RARB: variants seen among roughly 807,000 people sequenced by gnomAD.
RARB encodes the protein HBV-activated protein.
A neutral mutation model predicts 51.9 loss-of-function variants in RARB; 17 were observed. The observed-to-expected ratio is 0.33, with a 90% confidence interval of 0.22 to 0.49. The LOEUF (loss-of-function observed/expected upper bound fraction) is 0.49. RARB is among the 20% of genes least tolerant of loss of function. The pLI is 0.99. For synonymous variants in RARB, 215 were observed against 195.4 expected (o/e 1.10, Z -0.84); for missense variants, 369 against 550.8 (o/e 0.67, Z 3.30).
chr3:24,903,081 T>A (rs1703641514), intron 2 of RARB, among the ~76,000 whole-genome samples: 1 of 152,094 alleles, frequency 6.6e-6, no homozygotes. Flanking sequence ...TTTTATAGAA[T>A]TTATGAAAAA....
chr3:25,049,516 T>C (rs1698284446), intron 2 of RARB, among the ~76,000 whole-genome samples: 1 of 152,206 alleles, frequency 6.6e-6, no homozygotes, highest in Admixed American at 6.5e-5. Context: ...GGAGACTTAC[T>C]GGAATAGGCT....
intron 5 of RARB, among the ~76,000 whole-genome samples, chr3:25,590,832 CTAA>C (rs1329240609): frequency 1.3e-5 from 2 of 152,204 alleles, no homozygotes; most frequent in African/African-American, 2.4e-5. Context: ...ACAGTATTTC[CTAA>C]TGTTTCTCCA....
chr3:25,076,981 T>C (rs1300879873), intron 3 of RARB, among the ~76,000 whole-genome samples: 1 of 152,208 alleles, frequency 6.6e-6, no homozygotes, highest in African/African-American at 2.4e-5. Flanking sequence ...AGGTCTCTTT[T>C]TTGTTTTCCC....
At chr3:24,999,611 C>T (rs936220537) in intron 2 of RARB, among the ~76,000 whole-genome samples, 6 of 152,132 alleles carry the variant, frequency 3.9e-5, no homozygotes, top group African/African-American at 1.4e-4. Flanking sequence ...CTGCAGTGCC[C>T]AAATTCAAGA....
chr3:25,333,626 T>G (rs901581570), intron 5 of RARB, among the ~76,000 whole-genome samples: 1 of 152,196 alleles, frequency 6.6e-6, no homozygotes, highest in African/African-American at 2.4e-5. Context: ...AGCAAGGACT[T>G]TATGTCTAAA....
In RARB at chr3:25,478,906, C is replaced by A. The variant is rs1056899962; in HGVS notation, c.306+17565C>A. Among the ~76,000 whole-genome samples, 2 of 152,172 alleles carry A rather than the reference C, an allele frequency of 1.3e-5. 1 individual carries two copies. The highest frequency in any genetic ancestry group is 2.9e-5 in the Non-Finnish European group (2 of 68,034). On this transcript the variant is annotated intron_variant, in intron 2 of 7. Transcript: ENST00000330688. ...CTAATGTAAGCTGCTCCAGTCCTTG[C>A]GTTTTCAGGGTGCTGCCTGCCAAAA...
intron 2 of RARB, among the ~76,000 whole-genome samples, chr3:25,047,918 T>C (rs1192992548): frequency 6.6e-6 from 1 of 152,178 alleles, no homozygotes; most frequent in Admixed American, 6.5e-5. Context: ...GTAGAGATAA[T>C]TGAATCATGG....
intron 3 of RARB, among the ~76,000 whole-genome samples, chr3:25,071,604 A>G (rs1054367373): frequency 3.3e-5 from 5 of 152,336 alleles, no homozygotes; most frequent in Middle Eastern, 3.4e-3. Flanking sequence ...AAGGTTATAT[A>G]TTCTTTTGTC....
chr3:24,911,795 G>A (rs961123649), intron 2 of RARB, among the ~76,000 whole-genome samples: 24 of 152,078 alleles, frequency 1.6e-4, no homozygotes, highest in African/African-American at 5.8e-4. Context: ...TCTTAAAAAA[G>A]TACCATATTG....
intron 5 of RARB, among the ~76,000 whole-genome samples, chr3:25,337,813 C>G (rs1023611803): frequency 6.6e-6 from 1 of 152,016 alleles, no homozygotes; most frequent in South Asian, 2.1e-4. Context: ...GTATACGTTT[C>G]TTGTTTGCCC....
At chr3:25,300,323 T>C (rs1704011022) in intron 5 of RARB, among the ~76,000 whole-genome samples, 1 of 152,364 alleles carries the variant, frequency 6.6e-6, no homozygotes, top group African/African-American at 2.4e-5. Flanking sequence ...ATCATGTCTT[T>C]GTGGAGGAAG....
intron 5 of RARB, among the ~76,000 whole-genome samples, chr3:25,261,392 C>T (rs540741148): frequency 1.3e-5 from 2 of 152,180 alleles, no homozygotes; most frequent in East Asian, 1.9e-4. Context: ...TCTCACCCAC[C>T]TTTTTCATGA....
At chr3:25,438,470 T>C (rs1001101971) in intron 1 of RARB, among the ~76,000 whole-genome samples, 3 of 152,162 alleles carry the variant, frequency 2.0e-5, no homozygotes, top group African/African-American at 7.2e-5. Flanking sequence ...TGTGGGGCTT[T>C]TAGTTTTTTG....
intron 5 of RARB, among the ~76,000 whole-genome samples, chr3:25,375,567 T>A (rs1244498737): frequency 1.3e-5 from 2 of 152,160 alleles, no homozygotes; most frequent in African/African-American, 4.8e-5. Flanking sequence ...TAATGGATAA[T>A]GGGACTGTAT....
intron 5 of RARB, among the ~76,000 whole-genome samples, chr3:25,328,488 C>G (rs1442558005): frequency 6.6e-6 from 1 of 152,188 alleles, no homozygotes; most frequent in Non-Finnish European, 1.5e-5. Context: ...CCACTGCACT[C>G]CAGCTTGGGC....
At chr3:25,211,994 G>C (rs12497476) in intron 5 of RARB, among the ~76,000 whole-genome samples, 74,929 of 151,928 alleles carry the variant, frequency 0.49, 19,132 homozygotes, top group East Asian at 0.69. Flanking sequence ...TGAAGGAAAA[G>C]AGATATATTT....
At chr3:25,005,483 A>G (rs986692410) in intron 2 of RARB, among the ~76,000 whole-genome samples, 2 of 152,162 alleles carry the variant, frequency 1.3e-5, no homozygotes, top group African/African-American at 4.8e-5. Flanking sequence ...GATTGTAGGC[A>G]GAAAGTTCCT....
intron 3 of RARB, among the ~76,000 whole-genome samples, chr3:25,504,770 CTTTT>C (rs61498243): frequency 0.13 from 16,277 of 125,908 alleles, 970 homozygotes; most frequent in Middle Eastern, 0.23. Context: ...ACATTAACCA[CTTTT>C]TTTTTTTTTT....
chr3:25,241,543 C>A (rs1202954402), intron 5 of RARB, among the ~76,000 whole-genome samples: 1 of 152,148 alleles, frequency 6.6e-6, no homozygotes, highest in African/African-American at 2.4e-5. Flanking sequence ...TCAACTCCTA[C>A]CTATGAATGA....
Sources: allele counts gnomAD v4.1 joint callset (sites outside exome capture counted in the v4.1 genomes callset), GRCh38; gene constraint gnomAD v4.1.1; transcripts MANE v1.5; gene names NCBI Gene and HGNC (gene_info 2026-07-23, HGNC 2026-07-21).